The following DHRS7C variants were observed in gnomAD, a reference collection of about 807,000 sequenced individuals.
The protein encoded by DHRS7C is dehydrogenase/reductase SDR family member 7C.
DHRS7C carries 28 observed loss-of-function variants against 29.6 expected under a neutral mutation model. The observed-to-expected ratio is 0.95, with a 90% confidence interval of 0.70 to 1.30. The LOEUF is 1.30. Among genes scored for constraint, DHRS7C ranks in the 50% most tolerant of loss-of-function variants. The pLI is 0.00. For missense variants in DHRS7C, 403 were observed against 393.3 expected (o/e 1.02, Z -0.21); for synonymous variants, 158 against 160.2 (o/e 0.99, Z 0.10).
chr17:9,777,536 C>T (rs201544685), intron 3 of DHRS7C, among the ~76,000 whole-genome samples: 2 of 147,850 alleles, frequency 1.4e-5, no homozygotes, highest in East Asian at 2.0e-4. Flanking sequence ...ACACTGATTT[C>T]TTTTTTTTTT....
chr17:9,787,856 T>C (rs1488939244), intron 1 of DHRS7C, among the ~76,000 whole-genome samples: 1 of 151,966 alleles, frequency 6.6e-6, no homozygotes, highest in Non-Finnish European at 1.5e-5. Context: ...TGCAGGCATA[T>C]GCCACCACAC....
intron 4 of DHRS7C, among the ~76,000 whole-genome samples, chr17:9,776,979 G>A (rs561392851): frequency 2.6e-5 from 4 of 152,206 alleles, no homozygotes; most frequent in South Asian, 4.2e-4. Context: ...CAGAAGGAGC[G>A]TATCTTTAAT....
chr17:9,783,519 A>G lies in DHRS7C; in HGVS notation c.155-1925T>C, dbSNP rs544050392. Among the ~76,000 whole-genome samples, 6 of 152,366 alleles carry G rather than the reference A, an allele frequency of 3.9e-5. No homozygotes were observed. In the East Asian group the frequency reaches 1.2e-3, roughly 29 times the overall value. On this transcript the variant is annotated intron_variant, in intron 1 of 5. Transcript: ENST00000571134. The stretch of plus-strand genomic sequence containing the variant: ...GAAAGCAAAGAACATGTTGAAAAAC[A>G]GTTGTTAAAATATATTGTAAAACTA...
intron 1 of DHRS7C, chr17:9,783,119 T>TAG (rs1180926033): frequency 6.6e-6 from 1 of 152,122 alleles, no homozygotes; most frequent in Non-Finnish European, 1.5e-5. Flanking sequence ...AGCAGAGAGT[T>TAG]GTGGGGATAA....
chr17:9,785,044 T>C (rs1453197524), intron 1 of DHRS7C: 1 of 152,198 alleles, frequency 6.6e-6, no homozygotes, highest in Admixed American at 6.5e-5. Context: ...ACATTAGAAG[T>C]TTAACTGAGG....
intron 2 of DHRS7C, 105 bp from the exon 3 acceptor site, chr17:9,780,140 A>C: frequency 1.1e-6 from 1 of 946,924 alleles, no homozygotes; most frequent in Non-Finnish European, 1.5e-6. Flanking sequence ...TTCAAAGATA[A>C]TGAAATGACT....
In DHRS7C at chr17:9,791,426, C is replaced by T; in HGVS notation, c.-142G>A. On this transcript the variant is annotated 5_prime_UTR_variant, in exon 1 of 6. Coordinates refer to ENST00000571134, the MANE Select transcript of DHRS7C (RefSeq NM_001105571.3). ...CCAAGCTGAACACCCAGTGGGCGTG[C>T]TAATCCCCAAATGTTCAACAAATAG... The T allele has an allele frequency of 1.2e-6, 1 of 862,090 alleles. No homozygotes were observed. The highest frequency in any genetic ancestry group is 1.7e-6 in the Non-Finnish European group (1 of 584,874). 53.4% of individuals were successfully genotyped at this position (862,090 alleles called of 1,614,324 possible). A position where few individuals can be genotyped will look rare whatever the true frequency, so the allele number is the denominator to read the frequency against.
chr17:9,779,386 T>A (rs1257055339), intron 3 of DHRS7C, among the ~76,000 whole-genome samples: 3 of 152,220 alleles, frequency 2.0e-5, no homozygotes, highest in African/African-American at 7.2e-5. Context: ...TAAGCCCTTT[T>A]TCTTCTTCAT....
At chr17:9,778,134 G>A (rs569596669) in intron 3 of DHRS7C, among the ~76,000 whole-genome samples, 1 of 152,300 alleles carries the variant, frequency 6.6e-6, no homozygotes, top group Non-Finnish European at 1.5e-5. Flanking sequence ...GCTCACGCCT[G>A]TAATCCCAGC....
At position 9,788,353 on chromosome 17, in the gene DHRS7C, AG is replaced by A. The variant is rs1267252686; in HGVS notation, c.154+2777del. ...TCCCAAGTAGCTGGGATTATAGGCA[AG>A]AGCCCCCACCCCCAGCTAATTTTTG... On this transcript the variant is annotated intron_variant, in intron 1 of 5. Transcript: ENST00000571134. 6.6e-5 allele frequency among the ~76,000 whole-genome samples: 10 copies of A among 152,080 alleles called. No individual in the cohort carries two copies. The South Asian group carries it at 8.3e-4, about 13-fold the overall frequency.
chr17:9,774,977 C>G lies in DHRS7C; in HGVS notation c.572-2055G>C, dbSNP rs12602418. The stretch of plus-strand genomic sequence containing the variant: ...CCATGACTGATGGGGGTGGAGACAG[C>G]CTTGAGAGAATTCTGAGTCCCCAAT... On this transcript the variant is annotated intron_variant, in intron 4 of 5. Transcript: ENST00000571134. The surrounding 1 kb of genome is among the most constrained non-coding windows in gnomAD (Gnocchi z 5.0). 0.23 allele frequency among the ~76,000 whole-genome samples: 34,804 copies of G among 152,026 alleles called. 4,514 individuals carry two copies. Among genetic ancestry groups the G allele is most frequent in the African/African-American group, 0.35 (14,334 of 41,454 alleles).
At chr17:9,777,038 A>G (rs1347233932) in intron 4 of DHRS7C, among the ~76,000 whole-genome samples, 155 bp downstream of exon 4, 2 of 152,230 alleles carry the variant, frequency 1.3e-5, no homozygotes, top group African/African-American at 4.8e-5. Flanking sequence ...GCTCAAAAAA[A>G]TAGGAACCAT....
intron 4 of DHRS7C, 65 bp downstream of exon 4, chr17:9,777,128 C>G: frequency 7.2e-7 from 1 of 1,389,188 alleles, no homozygotes; most frequent in Non-Finnish European, 9.9e-7. Context: ...TTAGACATAA[C>G]AGCTCTTGCC....
chr17:9,783,381 A>T (rs1437436340), intron 1 of DHRS7C, among the ~76,000 whole-genome samples: 1 of 152,214 alleles, frequency 6.6e-6, no homozygotes, highest in Non-Finnish European at 1.5e-5. Context: ...TTTGTCTCCA[A>T]GTTAAATTGA....
intron 1 of DHRS7C, among the ~76,000 whole-genome samples, chr17:9,788,207 TAAA>T: frequency 6.6e-6 from 1 of 152,106 alleles, no homozygotes; most frequent in Non-Finnish European, 1.5e-5. Flanking sequence ...TTAAAATAAA[TAAA>T]TAAATTAATT....
intron 1 of DHRS7C, among the ~76,000 whole-genome samples, chr17:9,782,311 T>G (rs550052704): frequency 1.2e-4 from 18 of 152,314 alleles, no homozygotes; most frequent in African/African-American, 4.3e-4. Flanking sequence ...TAGGTTGGGT[T>G]CCTAGGAAGC....
intron 1 of DHRS7C, among the ~76,000 whole-genome samples, chr17:9,786,365 A>AATT (rs530485819): frequency 7.1e-6 from 1 of 141,618 alleles, no homozygotes; most frequent in African/African-American, 2.6e-5. Flanking sequence ...TAATAATAAT[A>AATT]ATTAATCAGA....
rs1190224975 is a variant in DHRS7C at position 9,775,702 on chromosome 17, G to A, written c.571+1491C>T. The stretch of plus-strand genomic sequence containing the variant: ...GCACCACAGGCCTAAACTAACTAAG[G>A]CATATGGAAAAAGGAAGGTAAAACA... On this transcript the variant is annotated intron_variant, in intron 4 of 5. Coordinates refer to ENST00000571134, the MANE Select transcript of DHRS7C (RefSeq NM_001105571.3). This position sits in a 1 kb window ranked among gnomAD's most constrained non-coding sequence, Gnocchi z 4.2. Among the ~76,000 whole-genome samples, 2 of 152,088 alleles carry A rather than the reference G, an allele frequency of 1.3e-5. No individual in the cohort carries two copies. Among genetic ancestry groups the A allele is most frequent in the African/African-American group, 4.8e-5 (2 of 41,424 alleles).
intron 3 of DHRS7C, among the ~76,000 whole-genome samples, chr17:9,777,783 C>A (rs78994777): frequency 0.022 from 3,387 of 152,072 alleles, 59 homozygotes; most frequent in Non-Finnish European, 0.034. Context: ...GTCTTTAACG[C>A]CTCTCTTGCA....
Sources: gnomAD v4.1 joint callset for allele counts (sites outside exome capture counted in the v4.1 genomes callset) on GRCh38, gnomAD v4.1.1 for gene constraint, Gnocchi (gnomAD v3.1) non-coding constraint, MANE v1.5 for transcripts, NCBI Gene and HGNC (gene_info 2026-07-23, HGNC 2026-07-21) for gene names.